The following VPS26A variants were observed in gnomAD, a reference collection of about 807,000 sequenced individuals.
The protein encoded by VPS26A is VPS26 retromer complex component A.
In VPS26A, 22 loss-of-function variants were observed where a neutral mutation model predicts 42.4. The observed-to-expected ratio is 0.52, with a 90% CI of 0.37 to 0.74. VPS26A has a LOEUF of 0.74. Among genes scored for constraint, VPS26A ranks in the 30% least tolerant of loss-of-function variants. The pLI is 0.00. For missense variants in VPS26A, 276 were observed against 379.2 expected (o/e 0.73, Z 2.26); for synonymous variants, 110 against 123.5 (o/e 0.89, Z 0.73).
intron 2 of VPS26A, among the ~76,000 whole-genome samples, chr10:69,155,428 G>A (rs1841412534): frequency 6.6e-6 from 1 of 152,120 alleles, no homozygotes; most frequent in African/African-American, 2.4e-5. Flanking sequence ...CTGTTTTTAG[G>A]TCAGTTCTTG....
At chr10:69,140,734 A>G (rs1841022242) in intron 2 of VPS26A, among the ~76,000 whole-genome samples, 1 of 152,152 alleles carries the variant, frequency 6.6e-6, no homozygotes, top group Non-Finnish European at 1.5e-5. Flanking sequence ...CTAACCACCT[A>G]TCCTAGACAG....
chr10:69,144,573 C>G (rs1408373907), intron 2 of VPS26A, among the ~76,000 whole-genome samples: 1 of 152,122 alleles, frequency 6.6e-6, no homozygotes, highest in Non-Finnish European at 1.5e-5. Flanking sequence ...TAGCAATATT[C>G]TTTTAAGGTT....
intron 1 of VPS26A, among the ~76,000 whole-genome samples, chr10:69,131,049 G>A (rs555475304): frequency 1.1e-4 from 16 of 152,194 alleles, no homozygotes; most frequent in African/African-American, 2.6e-4. Context: ...GCAGTGGTGC[G>A]ATCTTGGCTC....
rs376006266 is a variant in VPS26A, at chr10:69,153,428, C to T, written c.154-2384C>T. On this transcript the variant is annotated intron_variant, in intron 2 of 8. Coordinates refer to ENST00000263559, the MANE Select transcript of VPS26A (RefSeq NM_004896.5). ...GTGTAATCTTAGCTCATTGCACCTT[C>T]GACCTCCTAGGGTCAAAGGCTCCTC... is the stretch of plus-strand genomic sequence containing the variant. Among the ~76,000 whole-genome samples, 15 of 151,930 alleles carry T rather than the reference C, an allele frequency of 9.9e-5. No homozygotes were observed. The East Asian group carries it at 1.5e-3, about 16-fold the overall frequency.
At chr10:69,153,570 G>A (rs1290897153) in intron 2 of VPS26A, among the ~76,000 whole-genome samples, 1 of 143,750 alleles carries the variant, frequency 7.0e-6, no homozygotes, top group Non-Finnish European at 1.5e-5. Context: ...AGCTCGTCTT[G>A]AACTCCTGAC....
Position 69,168,493 on chromosome 10 carries a change from A to T in VPS26A, c.732A>T (p.Glu244Asp), listed in dbSNP as rs763949492. Reference protein sequence around the residue: ...EIMDGAPVKGESIPIRLFLAG... With the variant: ...EIMDGAPVKGDSIPIRLFLAG... ...TAGAAATTCCTTTTCTTTCAGGTGA[A>T]TCAATTCCAATAAGGCTATTTTTAG... Residue 244 changes from glutamate (E) to aspartate (D), a missense_variant, in exon 8 of 9, where the codon GAA (glutamate) becomes GAT (aspartate). Transcript: ENST00000263559. 1 of 1,609,170 alleles carries T rather than the reference A, an allele frequency of 6.2e-7. No individual in the cohort carries two copies. Among genetic ancestry groups the T allele is most frequent in the South Asian group, 1.1e-5 (1 of 89,970 alleles).
chr10:69,125,536 T>G (rs1294949590), intron 1 of VPS26A, among the ~76,000 whole-genome samples: 1 of 151,064 alleles, frequency 6.6e-6, no homozygotes, highest in Non-Finnish European at 1.5e-5. Flanking sequence ...TAGGGCAGGC[T>G]TCTTTAATTG....
Position 69,158,207 on chromosome 10 carries a change from T to C in VPS26A, c.547T>C (p.Ser183Pro). 6.3e-7 allele frequency: 1 copy of C among 1,584,046 alleles called. No homozygotes were observed. Among genetic ancestry groups the C allele is most frequent in the Non-Finnish European group, 8.6e-7 (1 of 1,168,348 alleles). ...CLHIEFEYNKSKYHLKDVIVG... is the reference protein window; with the variant it reads ...CLHIEFEYNKPKYHLKDVIVG... The stretch of plus-strand genomic sequence containing the variant: ...ACATATAGAATTTGAATATAATAAA[T>C]CAAAGTAAGTATCATTCACAGATAA... Residue 183 changes from serine (S) to proline (P), a missense_variant, in exon 5 of 9, where the codon TCA becomes CCA. Physicochemically the swap from Ser to Pro is moderately conservative, Grantham distance 74 (BLOSUM62 -1). Transcript: ENST00000263559.
At chr10:69,144,227 T>G (rs1190930212) in intron 2 of VPS26A, among the ~76,000 whole-genome samples, 7 of 152,224 alleles carry the variant, frequency 4.6e-5, no homozygotes, top group African/African-American at 1.7e-4. Flanking sequence ...AGTGATACAT[T>G]TGTTAAAATT....
intron 2 of VPS26A, among the ~76,000 whole-genome samples, chr10:69,155,480 T>C (rs1841413468): frequency 6.6e-6 from 1 of 152,214 alleles, no homozygotes; most frequent in Non-Finnish European, 1.5e-5. Flanking sequence ...TTATTAGTCA[T>C]AGAATTAACT....
At chr10:69,155,129 AAC>A (rs1841405015) in intron 2 of VPS26A, among the ~76,000 whole-genome samples, 1 of 124,252 alleles carries the variant, frequency 8.0e-6, no homozygotes, top group African/African-American at 3.1e-5. Flanking sequence ...CAGCCTAAGC[AAC>A]AGAGTCCTTT....
At chr10:69,134,858 C>T (rs1397712927) in intron 2 of VPS26A, among the ~76,000 whole-genome samples, 4 of 151,278 alleles carry the variant, frequency 2.6e-5, no homozygotes, top group African/African-American at 7.3e-5. Flanking sequence ...TTTAGGAGGC[C>T]GAGGAGGGAG....
Position 69,158,032 on chromosome 10 carries a change from CTT to C in VPS26A, c.387-12_387-11del, listed in dbSNP as rs777189082. ...ACAGGTGATTTAACTCATCGACTCT[CTT>C]TTAACTTTGTAGGTATTTTCTTAAA... On this transcript the variant is annotated splice_polypyrimidine_tract_variant and intron_variant, in intron 4 of 8. Transcript: ENST00000263559. 5 of 1,582,850 alleles carry C rather than the reference CTT, an allele frequency of 3.2e-6. No individual in the cohort carries two copies. Among genetic ancestry groups the C allele is most frequent in the Non-Finnish European group, 4.3e-6 (5 of 1,167,880 alleles).
chr10:69,164,756 T>G (rs1033391534), intron 6 of VPS26A, among the ~76,000 whole-genome samples: 2 of 152,204 alleles, frequency 1.3e-5, no homozygotes, highest in African/African-American at 4.8e-5. Flanking sequence ...TTGTTTCATT[T>G]TTAAAATATT....
intron 8 of VPS26A, 37 bp from the exon 9 acceptor site, chr10:69,171,119 A>T (rs761386465): frequency 1.2e-5 from 19 of 1,525,734 alleles, no homozygotes; most frequent in Non-Finnish European, 1.6e-5. Context: ...CATCATATCA[A>T]ACATTAATTT....
At chr10:69,149,264 C>A (rs1196545891) in intron 2 of VPS26A, among the ~76,000 whole-genome samples, 2 of 152,118 alleles carry the variant, frequency 1.3e-5, no homozygotes, top group Admixed American at 1.3e-4. Flanking sequence ...TAATATGATG[C>A]ATTGAAATAG....
At chr10:69,132,196 CATAA>C (rs1200784759) in intron 1 of VPS26A, among the ~76,000 whole-genome samples, 1 of 152,044 alleles carries the variant, frequency 6.6e-6, no homozygotes, top group Non-Finnish European at 1.5e-5. Flanking sequence ...AAAAGAACCT[CATAA>C]ATAAAAGTAT....
intron 1 of VPS26A, among the ~76,000 whole-genome samples, chr10:69,126,322 A>G (rs943031370): frequency 6.6e-6 from 1 of 152,138 alleles, no homozygotes; most frequent in Non-Finnish European, 1.5e-5. Context: ...ACAAAAAAAA[A>G]TTGGCCAAGT....
intron 1 of VPS26A, 23 bp from the exon 2 acceptor site, chr10:69,132,875 T>C: frequency 6.4e-7 from 1 of 1,570,490 alleles, no homozygotes; most frequent in Non-Finnish European, 8.6e-7. Context: ...ATGATAATTA[T>C]GACCATTTTC....
Sources: gnomAD v4.1 joint callset for allele counts (sites outside exome capture counted in the v4.1 genomes callset) on GRCh38, gnomAD v4.1.1 for gene constraint, MANE v1.5 for transcripts, NCBI Gene and HGNC (gene_info 2026-07-23, HGNC 2026-07-21) for gene names.